The following LRGUK variants were observed in gnomAD, a reference collection of about 807,000 sequenced individuals.
The protein encoded by LRGUK is leucine-rich repeat and guanylate kinase domain-containing protein.
LRGUK carries 65 observed loss-of-function variants against 76.0 expected under a neutral mutation model. The ratio of observed to expected loss-of-function variants is 0.85; its 90% confidence interval spans 0.70 to 1.05. The LOEUF (loss-of-function observed/expected upper bound fraction) is 1.05, where lower values mean the gene tolerates loss of function less well. Ranked by LOEUF, LRGUK falls within the 50% of genes least tolerant of loss-of-function variation. The probability of loss-of-function intolerance (pLI) is 0.00; values close to 1 mark genes in which losing one functional copy is unlikely to be tolerated. For missense variants in LRGUK, 758 were observed against 732.8 expected (o/e 1.03, Z -0.40); for synonymous variants, 268 against 265.6 (o/e 1.01, Z -0.09).
At chr7:134,151,441 A>G (rs571199129) in intron 5 of LRGUK, among the ~76,000 whole-genome samples, 3 of 152,186 alleles carry the variant, frequency 2.0e-5, no homozygotes, top group Non-Finnish European at 4.4e-5. Context: ...TCTTTCTACC[A>G]AAAAAGCCTA....
In LRGUK at chr7:134,177,019, C is replaced by T. The variant is rs912239674; in HGVS notation, c.1063C>T (p.Arg355Ter). The change falls in exon 9 of 16, where the codon CGA becomes TGA. Residue 355 changes from arginine (R) to a stop codon, truncating the protein, a stop_gained. Transcript: ENST00000645682. LOFTEE classifies it high-confidence loss of function. ...GTTCTTCGTAATTTTTATGCTTCTG[C>T]GATTAACAGAATTAGATCAGAAGAA... The T allele has an allele frequency of 3.7e-6, 6 of 1,600,600 alleles. No individual in the cohort carries two copies. Among genetic ancestry groups the T allele is most frequent in the Admixed American group, 3.4e-5 (2 of 59,358 alleles).
At chr7:134,230,560 C>T (rs1297344629) in intron 16 of LRGUK, among the ~76,000 whole-genome samples, 2 of 152,134 alleles carry the variant, frequency 1.3e-5, no homozygotes, top group African/African-American at 4.8e-5. Flanking sequence ...TAGCATTGTT[C>T]ATAATAGTCC....
At chr7:134,130,290 C>T (rs1797241845) in intron 1 of LRGUK, among the ~76,000 whole-genome samples, 1 of 149,530 alleles carries the variant, frequency 6.7e-6, no homozygotes, top group African/African-American at 2.6e-5. Flanking sequence ...ACCAGCTTCC[C>T]CCCCCCCCCA....
chr7:134,139,406 A>T, intron 2 of LRGUK, 30 bp from the exon 3 acceptor site: 1 of 1,453,688 alleles, frequency 6.9e-7, no homozygotes, highest in Non-Finnish European at 9.6e-7. Flanking sequence ...ATAAAGCAAC[A>T]TTAAAGTCTT....
intron 14 of LRGUK, among the ~76,000 whole-genome samples, chr7:134,199,880 G>A (rs1800676130): frequency 6.7e-6 from 1 of 148,742 alleles, no homozygotes; most frequent in Middle Eastern, 3.5e-3. Flanking sequence ...TTAATTTAAA[G>A]CAATAGTTCA....
chr7:134,137,018 T>TA lies in LRGUK; in HGVS notation c.298-4dup. On this transcript the variant is annotated splice_region_variant and splice_polypyrimidine_tract_variant and intron_variant, in intron 1 of 15. Coordinates refer to ENST00000645682, the Ensembl canonical transcript of LRGUK. ...TCTTTGTCTACCTTTCTGGGTTTTT[T>TA]ACAGGAGGAATTTGATGGGGTCCTG... The TA allele has an allele frequency of 6.2e-7, 1 of 1,608,868 alleles. No individual in the cohort carries two copies. Among genetic ancestry groups the TA allele is most frequent in the South Asian group, 1.1e-5 (1 of 90,198 alleles).
chr7:134,202,147 C>T (rs1388702905), intron 15 of LRGUK, among the ~76,000 whole-genome samples: 1 of 152,124 alleles, frequency 6.6e-6, no homozygotes, highest in Non-Finnish European at 1.5e-5. Flanking sequence ...CTCATCACCA[C>T]ATGGATGGTG....
intron 9 of LRGUK, 152 bp downstream of exon 9, chr7:134,177,215 A>C (rs1799521383): frequency 1.8e-6 from 1 of 557,552 alleles, no homozygotes; most frequent in African/African-American, 1.9e-5. Flanking sequence ...TTGCCTTAGG[A>C]TCTGTTCATT....
rs376097404 is a variant in LRGUK, at chr7:134,221,918, G to C, written c.1983G>C (p.Ala661=). 21 of 1,587,462 alleles carry C rather than the reference G, an allele frequency of 1.3e-5. No individual in the cohort carries two copies. In the South Asian group the frequency reaches 2.4e-4, roughly 18 times the overall value. The change falls in exon 16 of 20, where the codon GCG becomes GCC. Residue 661 remains alanine (A), a splice_region_variant and synonymous_variant. Transcript: ENST00000285928. ...AACTTTCAGCCAAAAAAACACCAGCGGTAAGAGAGGAATAGAAGGGGTGAA... is the reference window on the plus strand; with the variant it reads ...AACTTTCAGCCAAAAAAACACCAGCCGTAAGAGAGGAATAGAAGGGGTGAA...
downstream of LRGUK, among the ~76,000 whole-genome samples, chr7:134,266,897 A>C (rs1323529199): frequency 1.3e-5 from 2 of 152,192 alleles, no homozygotes; most frequent in African/African-American, 4.8e-5. Flanking sequence ...TAAAGCAATG[A>C]GAGGGAAATT....
chr7:134,183,883 T>C (rs773453382), intron 11 of LRGUK, 30 bp downstream of exon 11: 1 of 1,609,774 alleles, frequency 6.2e-7, no homozygotes, highest in African/African-American at 1.3e-5. Context: ...TGTTAAGACT[T>C]GGAAATTCAT....
chr7:134,127,357 C>A, exon 1 of LRGUK: 20 of 1,557,622 alleles, frequency 1.3e-5, no homozygotes, highest in Non-Finnish European at 1.7e-5. Context: ...TAGGCAACCC[C>A]GCTAAACAAG....
In LRGUK at chr7:134,178,653, C is replaced by A. The variant is rs751710487; in HGVS notation, c.1214+44C>A. 8 of 1,478,116 alleles carry A rather than the reference C, an allele frequency of 5.4e-6. No individual in the cohort carries two copies. The South Asian group carries it at 8.0e-5, about 15-fold the overall frequency. The allele number at this position is 1,478,116 out of a possible 1,614,324, so 91.6% of individuals were successfully genotyped here. ...AAGGCCGGAATTCAGGGTGAGCAAGCAAAAGACAGCCTCATCACTTCCCCT... is the reference window on the plus strand; with the variant it reads ...AAGGCCGGAATTCAGGGTGAGCAAGAAAAAGACAGCCTCATCACTTCCCCT... On this transcript the variant is annotated intron_variant, in intron 10 of 15. Transcript: ENST00000645682.
chr7:134,163,444 C>T (rs1322893221), exon 7 of LRGUK: 6 of 1,613,658 alleles, frequency 3.7e-6, no homozygotes, highest in South Asian at 1.1e-5. Context: ...ATCTGAAAGC[C>T]CTGCAGAACC....
At chr7:134,168,582 G>A (rs1429420112) in intron 7 of LRGUK, among the ~76,000 whole-genome samples, 1 of 152,162 alleles carries the variant, frequency 6.6e-6, no homozygotes, top group African/African-American at 2.4e-5. Context: ...AATGGCTTGA[G>A]CTGAGAGGAC....
downstream of LRGUK, among the ~76,000 whole-genome samples, chr7:134,213,463 A>T (rs1446416701): frequency 6.6e-6 from 1 of 152,064 alleles, no homozygotes; most frequent in East Asian, 1.9e-4. Flanking sequence ...ATCATTACCC[A>T]TTTTCTGTGA....
chr7:134,212,763 G>A (rs549985099), downstream of LRGUK, among the ~76,000 whole-genome samples: 1 of 152,356 alleles, frequency 6.6e-6, no homozygotes, highest in East Asian at 1.9e-4. Context: ...ATAAGGGGAA[G>A]TGATGAGGAT....
intron 16 of LRGUK, among the ~76,000 whole-genome samples, chr7:134,228,451 T>A (rs185773613): frequency 6.6e-6 from 1 of 152,216 alleles, no homozygotes; most frequent in African/African-American, 2.4e-5. Context: ...TCTGAATACA[T>A]GAGTAAATCT....
At chr7:134,153,827 T>C (rs1324163952) in intron 5 of LRGUK, among the ~76,000 whole-genome samples, 1 of 152,224 alleles carries the variant, frequency 6.6e-6, no homozygotes, top group African/African-American at 2.4e-5. Context: ...TTGGTTTTGA[T>C]TAAAGCCATC....
Sources: allele counts gnomAD v4.1 joint callset (sites outside exome capture counted in the v4.1 genomes callset), GRCh38; gene constraint gnomAD v4.1.1; transcripts MANE v1.5; gene names NCBI Gene and HGNC (gene_info 2026-07-23, HGNC 2026-07-21).